Variants in TOP1MT observed in about 807,000 individuals in gnomAD.
TOP1MT encodes the protein DNA topoisomerase I, mitochondrial.
A neutral mutation model predicts 73.9 loss-of-function variants in TOP1MT; 80 were observed. The observed-to-expected ratio is 1.08, with a 90% CI of 0.90 to 1.30. The LOEUF is 1.30. Among genes scored for constraint, TOP1MT ranks in the 50% most tolerant of loss-of-function variants. The pLI is 0.00. For missense variants in TOP1MT, 815 were observed against 808.0 expected (o/e 1.01, Z -0.10); for synonymous variants, 338 against 326.4 (o/e 1.04, Z -0.38).
At chr8:143,323,052 C>G (rs1410485840) in intron 7 of TOP1MT, among the ~76,000 whole-genome samples, 4 of 117,516 alleles carry the variant, frequency 3.4e-5, no homozygotes, top group Non-Finnish European at 7.2e-5. Context: ...CACAGGCACG[C>G]CACACACAGG....
rs1453114891 is a variant in TOP1MT, at chr8:143,332,379, T to C, written c.123-1040A>G. ...TGCAAAGGCCTCAGTGGGAGAGGCT[T>C]TGGCGAGAGGGTGGGAGCACCATCA... On this transcript the variant is annotated intron_variant, in intron 1 of 13. Coordinates refer to ENST00000329245, the MANE Select transcript of TOP1MT (RefSeq NM_052963.3). 1.9e-5 allele frequency: 16 copies of C among 846,564 alleles called. No individual in the cohort carries two copies. In the Admixed American group the frequency reaches 3.4e-4, roughly 18 times the overall value. 52.4% of individuals were successfully genotyped at this position (846,564 alleles called of 1,614,324 possible).
At chr8:143,340,772 T>C (rs1303969436) in intron 2 of TOP1MT, among the ~76,000 whole-genome samples, 1 of 152,220 alleles carries the variant, frequency 6.6e-6, no homozygotes, top group Non-Finnish European at 1.5e-5. Context: ...CTCCCTCTTC[T>C]TTTCTTTTCT....
chr8:143,334,675 C>G, intron 1 of TOP1MT, 65 bp downstream of exon 1: 1 of 1,580,210 alleles, frequency 6.3e-7, no homozygotes, highest in Non-Finnish European at 8.6e-7. Flanking sequence ...CTGCCACTCC[C>G]CTTTCTGGAC....
chr8:143,323,291 C>CACAT (rs1563761136), intron 7 of TOP1MT, among the ~76,000 whole-genome samples: 3 of 125,482 alleles, frequency 2.4e-5, no homozygotes, highest in Admixed American at 7.8e-5. Context: ...ACGCCACACA[C>CACAT]GCACGCCACA....
chr8:143,335,295 A>G (rs951107417), upstream of TOP1MT, among the ~76,000 whole-genome samples: 1 of 152,186 alleles, frequency 6.6e-6, no homozygotes, highest in Non-Finnish European at 1.5e-5. Flanking sequence ...GGGACCACAC[A>G]GGCTCAGATG....
intron 5 of TOP1MT, 149 bp downstream of exon 5, chr8:143,325,197 G>A (rs1463186165): frequency 1.3e-5 from 10 of 759,110 alleles, no homozygotes; most frequent in Middle Eastern, 4.0e-4. Context: ...GCCCGGCCAC[G>A]CCTACAGGCT....
Position 143,341,962 on chromosome 8 carries a change from A to ATT in TOP1MT, c.29+1257_29+1258insAA, listed in dbSNP as rs1332288969. Among the ~76,000 whole-genome samples, 1 of 136,290 alleles carries ATT rather than the reference A, an allele frequency of 7.3e-6. No individual in the cohort carries two copies. The highest frequency in any genetic ancestry group is 1.6e-5 in the Non-Finnish European group (1 of 62,916). The allele number at this position is 136,290 out of a possible 152,430, so 89.4% of individuals were successfully genotyped here. ...GTCTCGCTCTGTTATTATTATTATTAGAGACAGAGTCTCGCTGTTATTATT... is the reference window on the plus strand; with the variant it reads ...GTCTCGCTCTGTTATTATTATTATTATTGAGACAGAGTCTCGCTGTTATTATT... On this transcript the variant is annotated intron_variant, in intron 2 of 5. Transcript: ENST00000518007. This position sits in a 1 kb window ranked among gnomAD's most constrained non-coding sequence, Gnocchi z 4.1.
intron 12 of TOP1MT, chr8:143,310,448 C>T (rs373809808): frequency 9.8e-5 from 40 of 408,624 alleles, no homozygotes; most frequent in African/African-American, 6.1e-4. Context: ...GTGAGCAGCC[C>T]GTCAGGACCT....
chr8:143,310,176 T>C lies in TOP1MT; in HGVS notation c.1595A>G (p.Glu532Gly). Reference protein sequence around the residue: ...KKRRLLEKLQEQLAQLSVQAT... With the variant: ...KKRRLLEKLQGQLAQLSVQAT... ...CTGCACACTCAGCTGCGCCAGCTGC[T>C]CCTGCAGCTTCTCCAGGAGCCGCCT... The change falls in exon 13 of 14, where the codon GAG becomes GGG. Residue 532 changes from glutamate to glycine, a missense_variant. Physicochemically the swap from Glu to Gly is moderately conservative, Grantham distance 98. This residue lies in a region of TOP1MT where 751 missense variants were observed against 725.4 expected (regional missense o/e 1.04). Coordinates refer to ENST00000329245, the MANE Select transcript of TOP1MT (RefSeq NM_052963.3). The C allele has an allele frequency of 1.2e-6, 2 of 1,602,542 alleles. No individual in the cohort carries two copies.
At chr8:143,333,213 G>A (rs1260455221) in intron 1 of TOP1MT, among the ~76,000 whole-genome samples, 5 of 152,118 alleles carry the variant, frequency 3.3e-5, no homozygotes, top group African/African-American at 9.7e-5. Flanking sequence ...TTGGGAGGCC[G>A]AGGCGGGCGG....
intron 1 of TOP1MT, among the ~76,000 whole-genome samples, chr8:143,350,984 GA>G (rs1817309883): frequency 6.6e-6 from 1 of 152,080 alleles, no homozygotes; most frequent in Non-Finnish European, 1.5e-5. Flanking sequence ...GTTTCAGCAA[GA>G]CTCCCGCTGG....
At chr8:143,318,650 G>C (rs1303619491) in intron 8 of TOP1MT, among the ~76,000 whole-genome samples, 3 of 152,104 alleles carry the variant, frequency 2.0e-5, no homozygotes, top group Admixed American at 2.0e-4. Context: ...GCTGGGCATC[G>C]GCTCCAGGGC....
At chr8:143,325,111 T>C (rs1479185662) in intron 5 of TOP1MT, among the ~76,000 whole-genome samples, 2 of 152,202 alleles carry the variant, frequency 1.3e-5, no homozygotes, top group African/African-American at 4.8e-5. Flanking sequence ...GAGGTGTCCT[T>C]GGCGGGAGAA....
intron 12 of TOP1MT, among the ~76,000 whole-genome samples, chr8:143,315,514 G>A (rs1334332049): frequency 4.6e-5 from 7 of 151,942 alleles, no homozygotes; most frequent in African/African-American, 1.5e-4. Context: ...CCAGACATTC[G>A]GGGCCACTAC....
At position 143,315,779 on chromosome 8, in the gene TOP1MT, G is replaced by A; in HGVS notation, c.1501C>T (p.Leu501=). 6.2e-7 allele frequency: 1 copy of A among 1,613,960 alleles called. No homozygotes were observed. Among genetic ancestry groups the A allele is most frequent in the South Asian group, 1.1e-5 (1 of 91,088 alleles). ...TTGTGCTCAGCCCTCGCCCTCCTCAGCTCTGCCCTGGCCTCAGCCACCTGC... is the reference window on the plus strand; with the variant it reads ...TTGTGCTCAGCCCTCGCCCTCCTCAACTCTGCCCTGGCCTCAGCCACCTGC... ...KEQVAEARAE[L]RRARAEHKAQ... is the part of the protein sequence containing the mutation. The change falls in exon 12 of 14, where the codon CTG becomes TTG. Residue 501 remains leucine (L), a synonymous_variant. Transcript: ENST00000329245.
At chr8:143,342,038 G>GCT (rs1443722279) in intron 2 of TOP1MT, among the ~76,000 whole-genome samples, 2 of 119,074 alleles carry the variant, frequency 1.7e-5, no homozygotes, top group African/African-American at 6.5e-5. Context: ...ACAGAGTCTC[G>GCT]CTGTTATTAT....
rs374372464 is a variant in TOP1MT, at chr8:143,310,063, C to T, written c.1703+5G>A. 42 of 1,611,506 alleles carry T rather than the reference C, an allele frequency of 2.6e-5. No homozygotes were observed. Among genetic ancestry groups the T allele is most frequent in the Middle Eastern group, 1.7e-4 (1 of 6,060 alleles). On this transcript the variant is annotated splice_donor_5th_base_variant and intron_variant, in intron 13 of 13. Coordinates refer to ENST00000329245, the MANE Select transcript of TOP1MT (RefSeq NM_052963.3). ...GGTGGGAACTGAGACCCCAGGCACA[C>T]GCACCAGGCAATGCTGATCCTGGGG... is the stretch of plus-strand genomic sequence containing the variant.
intron 12 of TOP1MT, among the ~76,000 whole-genome samples, chr8:143,312,704 G>A (rs1427378823): frequency 6.6e-6 from 1 of 152,138 alleles, no homozygotes; most frequent in African/African-American, 2.4e-5. Flanking sequence ...TTCCTGCCAG[G>A]TCCATAATGC....
At chr8:143,316,419 C>T (rs915251525) in intron 10 of TOP1MT, among the ~76,000 whole-genome samples, 12 of 152,112 alleles carry the variant, frequency 7.9e-5, no homozygotes, top group African/African-American at 2.4e-4. Flanking sequence ...CCTGGACGGG[C>T]GAGTCTGCCT....
Sources: allele counts gnomAD v4.1 joint callset (sites outside exome capture counted in the v4.1 genomes callset), GRCh38; gene constraint gnomAD v4.1.1; regional missense constraint gnomAD v4.1.1; non-coding constraint Gnocchi (gnomAD v3.1); transcripts MANE v1.5; gene names NCBI Gene and HGNC (gene_info 2026-07-23, HGNC 2026-07-21).